The following ANKRD30B variants were observed in gnomAD, a reference collection of about 807,000 sequenced individuals.
ANKRD30B encodes the protein ankyrin repeat domain 30B, also known as ankyrin repeat domain-containing protein 30B.
In ANKRD30B, 144 loss-of-function variants were observed where a neutral mutation model predicts 202.2. The observed-to-expected ratio is 0.71, with a 90% CI of 0.62 to 0.82. The LOEUF (loss-of-function observed/expected upper bound fraction) is 0.82. ANKRD30B is among the 40% of genes least tolerant of loss of function. The pLI, the probability that ANKRD30B is intolerant of heterozygous loss-of-function variation, is 0.00. For synonymous variants in ANKRD30B, 508 were observed against 561.3 expected (o/e 0.91, Z 1.34); for missense variants, 1,487 against 1,669.1 (o/e 0.89, Z 1.90).
chr18:14,924,180 A>G, the ANKRD30B span, among the ~76,000 whole-genome samples: 1 of 152,134 alleles, frequency 6.6e-6, no homozygotes, highest in Middle Eastern at 3.2e-3. Context: ...CACCTTACCA[A>G]ACTGTTGTTA....
intron 18 of ANKRD30B, 112 bp downstream of exon 18, chr18:14,796,527 T>G: frequency 7.7e-7 from 1 of 1,303,238 alleles, no homozygotes; most frequent in Non-Finnish European, 1.0e-6. Flanking sequence ...GGTGGGAAAA[T>G]TTGAAACAAA....
chr18:14,755,876 G>T (rs1387525084), intron 4 of ANKRD30B, among the ~76,000 whole-genome samples: 1 of 152,146 alleles, frequency 6.6e-6, no homozygotes, highest in Non-Finnish European at 1.5e-5. Flanking sequence ...GTGTGCATGT[G>T]TCTTTATAGC....
intron 33 of ANKRD30B, among the ~76,000 whole-genome samples, chr18:14,828,904 C>T (rs4318295): frequency 6.6e-6 from 1 of 152,130 alleles, no homozygotes; most frequent in Non-Finnish European, 1.5e-5. Context: ...TTATTTCACT[C>T]TTAGTGGAGA....
At chr18:14,836,735 A>G (rs549467794) in intron 34 of ANKRD30B, among the ~76,000 whole-genome samples, 6 of 152,114 alleles carry the variant, frequency 3.9e-5, no homozygotes, top group Non-Finnish European at 8.8e-5. Context: ...ACTGTGTTCC[A>G]GTTTTACCAC....
the ANKRD30B span, among the ~76,000 whole-genome samples, chr18:14,867,547 G>A: frequency 1.3e-5 from 2 of 152,152 alleles, no homozygotes; most frequent in East Asian, 1.9e-4. Flanking sequence ...ATGGTTACCC[G>A]GCCCTTGCCC....
downstream of ANKRD30B, among the ~76,000 whole-genome samples, chr18:14,855,537 C>A (rs1282263774): frequency 3.3e-5 from 5 of 151,242 alleles, no homozygotes. Context: ...CAGAGGCGCT[C>A]CTCACTTCCC....
intron 32 of ANKRD30B, among the ~76,000 whole-genome samples, chr18:14,825,468 C>T (rs1970619179): frequency 6.6e-6 from 1 of 151,952 alleles, no homozygotes; most frequent in African/African-American, 2.4e-5. Context: ...CATGCACCCT[C>T]GGATGATCAA....
At chr18:14,768,398 C>G (rs773426419) in intron 7 of ANKRD30B, among the ~76,000 whole-genome samples, 8 of 152,112 alleles carry the variant, frequency 5.3e-5, no homozygotes, top group Non-Finnish European at 1.2e-4. Flanking sequence ...CACTCTAGTA[C>G]GTTAATCAAA....
chr18:14,818,732 G>T (rs1204887586), intron 30 of ANKRD30B, among the ~76,000 whole-genome samples: 1 of 152,000 alleles, frequency 6.6e-6, no homozygotes, highest in East Asian at 1.9e-4. Flanking sequence ...TGGTGTATAT[G>T]TGCCACATTT....
intron 34 of ANKRD30B, among the ~76,000 whole-genome samples, chr18:14,835,529 G>A (rs1971134134): frequency 1.3e-5 from 2 of 151,498 alleles, no homozygotes; most frequent in African/African-American, 4.8e-5. Flanking sequence ...TAAAACTCAG[G>A]AATCTTGTTG....
intron 16 of ANKRD30B, among the ~76,000 whole-genome samples, chr18:14,791,942 A>G (rs531797995): frequency 3.9e-5 from 6 of 152,310 alleles, no homozygotes; most frequent in Admixed American, 3.9e-4. Context: ...AGAGAATTAC[A>G]GCAAAAATAT....
the ANKRD30B span, among the ~76,000 whole-genome samples, chr18:14,901,905 T>C: frequency 2.6e-5 from 4 of 152,134 alleles, no homozygotes; most frequent in African/African-American, 7.2e-5. Context: ...TCCTACAAGG[T>C]GCATGAGTCC....
chr18:14,871,236 A>G, the ANKRD30B span, among the ~76,000 whole-genome samples: 2 of 44,550 alleles, frequency 4.5e-5, no homozygotes, highest in East Asian at 1.3e-3. Flanking sequence ...CCCTCCCTCT[A>G]AACCTACTGG....
intron 6 of ANKRD30B, 82 bp downstream of exon 6, chr18:14,760,700 A>T: frequency 1.0e-6 from 1 of 978,458 alleles, no homozygotes; most frequent in Non-Finnish European, 1.5e-6. Context: ...GCAATTCAAA[A>T]AGCAATGTGC....
chr18:14,791,281 T>A (rs1178212037), intron 15 of ANKRD30B, 120 bp from the exon 16 acceptor site: 8 of 781,076 alleles, frequency 1.0e-5, no homozygotes, highest in Middle Eastern at 3.5e-4. Flanking sequence ...TACTCTTAAG[T>A]CGAATTGTTT....
chr18:14,766,589 T>G (rs1173099188), intron 7 of ANKRD30B, among the ~76,000 whole-genome samples: 2 of 151,818 alleles, frequency 1.3e-5, no homozygotes, highest in African/African-American at 4.8e-5. Flanking sequence ...ACATATTGAG[T>G]TCAATGAAAC....
chr18:14,888,805 C>G, the ANKRD30B span: 1 of 1,075,590 alleles, frequency 9.3e-7, no homozygotes, highest in Non-Finnish European at 1.4e-6. Context: ...CAAACATTTC[C>G]CCTCCATTGT....
the ANKRD30B span, among the ~76,000 whole-genome samples, chr18:14,929,396 G>A: frequency 6.6e-6 from 1 of 152,154 alleles, no homozygotes; most frequent in South Asian, 2.1e-4. Context: ...CACAGGTCTG[G>A]ATGCCCATTG....
chr18:14,852,171 C>A lies in ANKRD30B; in HGVS notation c.4227C>A (p.Asp1409Glu). The A allele has an allele frequency of 6.3e-7, 1 of 1,594,512 alleles. No homozygotes were observed. The highest frequency in any genetic ancestry group is 2.4e-5 in the East Asian group (1 of 42,522). The part of the protein sequence containing the change: ...HMYQNEQDNV[D>E]KHTEQQESLE... ...ATCAAAATGAACAAGATAATGTGGA[C>A]AAACACACTGAACAGCAGGAGTCTC... is the stretch of plus-strand genomic sequence containing the variant. Residue 1409 changes from aspartate (D) to glutamate (E), a missense_variant, in exon 42 of 44, where the codon GAC becomes GAA. Physicochemically the swap from Asp to Glu is conservative, Grantham distance 45. This residue lies in a region of ANKRD30B where 182 missense variants were observed against 216.0 expected (regional missense o/e 0.84). Coordinates refer to ENST00000690538, the MANE Select transcript of ANKRD30B (RefSeq NM_001367607.2).
Sources: allele counts gnomAD v4.1 joint callset (sites outside exome capture counted in the v4.1 genomes callset), GRCh38; gene constraint gnomAD v4.1.1; regional missense constraint gnomAD v4.1.1; transcripts MANE v1.5; gene names NCBI Gene and HGNC (gene_info 2026-07-23, HGNC 2026-07-21).